The following PWWP2A variants were observed in gnomAD, a reference collection of about 807,000 sequenced individuals.
The protein encoded by PWWP2A is PWWP domain containing 2A.
In PWWP2A, 18 loss-of-function variants were observed where a neutral mutation model predicts 48.5. The ratio of observed to expected loss-of-function variants is 0.37; its 90% CI spans 0.26 to 0.55. The LOEUF is 0.55. Among genes scored for constraint, PWWP2A ranks in the 20% least tolerant of loss-of-function variants. PWWP2A has a pLI of 0.81. For synonymous variants in PWWP2A, 396 were observed against 387.7 expected, an observed-to-expected ratio of 1.02 and a Z score of -0.25; for missense variants, 867 against 976.4, an observed-to-expected ratio of 0.89 and a Z score of 1.49.
Position 160,119,151 on chromosome 5 carries a change from G to C in PWWP2A, c.238C>G (p.Arg80Gly). 6.5e-7 allele frequency: 1 copy of C among 1,549,820 alleles called. No individual in the cohort carries two copies. Among genetic ancestry groups the C allele is most frequent in the Non-Finnish European group, 8.6e-7 (1 of 1,161,680 alleles). The change falls in exon 1 of 2, where the codon CGC becomes GGC. Residue 80 changes from arginine (R) to glycine (G), a missense_variant. Around this residue, in one of 4 missense-constraint regions of PWWP2A, gnomAD observed 385 missense variants for 396.9 expected, o/e 0.97. Transcript: ENST00000307063. Reference protein sequence around the residue: ...PPPPPPGELARSPEAVGPELE... With the variant: ...PPPPPPGELAGSPEAVGPELE... ...TCCGGCCCCACCGCCTCTGGGCTGC[G>C]GGCGAGCTCCCCCGGCGGCGGCGGT...
intron 1 of PWWP2A, among the ~76,000 whole-genome samples, chr5:160,112,495 T>C (rs1013747501): frequency 1.3e-5 from 2 of 152,154 alleles, no homozygotes; most frequent in African/African-American, 2.4e-5. Context: ...TTGCTGAGAT[T>C]ACAGGCATGA....
Position 160,093,079 on chromosome 5 carries a change from T to C in PWWP2A, c.1571A>G (p.Gln524Arg). The change falls in exon 2 of 2, where the codon CAG becomes CGG. Residue 524 changes from glutamine (Q) to arginine (R), a missense_variant. By Grantham distance (43) the Gln-to-Arg change is conservative. Around this residue, in one of 4 missense-constraint regions of PWWP2A, gnomAD observed 382 missense variants for 407.2 expected, o/e 0.94. Coordinates refer to ENST00000307063, the MANE Select transcript of PWWP2A (RefSeq NM_001130864.2). This position sits in a 1 kb window ranked among gnomAD's most constrained non-coding sequence, Gnocchi z 5.8. ...RSAGEAPSEN[Q>R]SPSKGPEEAS... ...CTCTTCAGGGCCTTTTGAGGGACTC[T>C]GATTTTCTGAAGGGGCCTCACCTGC... 6.2e-7 allele frequency: 1 copy of C among 1,613,606 alleles called. No homozygotes were observed. The highest frequency in any genetic ancestry group is 8.5e-7 in the Non-Finnish European group (1 of 1,179,790).
chr5:160,044,823 G>GC, the PWWP2A span, among the ~76,000 whole-genome samples: 1 of 152,110 alleles, frequency 6.6e-6, no homozygotes, highest in Non-Finnish European at 1.5e-5. Flanking sequence ...ATTTTACCCA[G>GC]CCCCTATTCA....
chr5:160,117,511 G>A (rs1259193011), intron 1 of PWWP2A, among the ~76,000 whole-genome samples: 1 of 152,116 alleles, frequency 6.6e-6, no homozygotes, highest in Non-Finnish European at 1.5e-5. Flanking sequence ...ACAAAAATTA[G>A]ACCAGCATGG....
At chr5:160,108,081 T>C (rs1001408205) in intron 1 of PWWP2A, among the ~76,000 whole-genome samples, 16 of 152,246 alleles carry the variant, frequency 1.1e-4, no homozygotes, top group African/African-American at 3.9e-4. Flanking sequence ...GTGTATAAAA[T>C]ATATTTTTAA....
intron 1 of PWWP2A, chr5:160,116,574 G>T: frequency 1.7e-6 from 1 of 591,836 alleles, no homozygotes; most frequent in Non-Finnish European, 2.1e-6. Flanking sequence ...CTGTTTCTAA[G>T]CACTGATAGC....
At chr5:160,051,203 T>C in the PWWP2A span, 14 of 1,600,180 alleles carry the variant, frequency 8.7e-6, no homozygotes, top group Non-Finnish European at 1.2e-5. Context: ...CTTCTTACTT[T>C]GCTTGATCAT....
At chr5:160,088,052 T>C (rs1447631770), downstream of PWWP2A, among the ~76,000 whole-genome samples, 1 of 152,356 alleles carries the variant, frequency 6.6e-6, no homozygotes, top group Middle Eastern at 3.4e-3. Context: ...TCCTGTTCTT[T>C]TGTTGAATGA....
At chr5:160,057,137 G>A (rs1369629186), downstream of PWWP2A, among the ~76,000 whole-genome samples, 1 of 152,160 alleles carries the variant, frequency 6.6e-6, no homozygotes, top group Non-Finnish European at 1.5e-5. The surrounding 1 kb of genome is among the most constrained non-coding windows in gnomAD (Gnocchi z 4.4). Context: ...TAGCTTTTCA[G>A]TGCTTTGCTT....
intron 1 of PWWP2A, among the ~76,000 whole-genome samples, chr5:160,108,006 T>TA (rs1287636099): frequency 1.9e-4 from 28 of 147,280 alleles, no homozygotes; most frequent in Middle Eastern, 3.5e-3. Context: ...ATCTCAAAAA[T>TA]AAAAAAAAAG....
chr5:160,109,766 A>ATATAT (rs1757263056), intron 1 of PWWP2A, among the ~76,000 whole-genome samples: 1 of 47,510 alleles, frequency 2.1e-5, no homozygotes, highest in African/African-American at 6.3e-5. Flanking sequence ...GGAAAAAAAA[A>ATATAT]AAAAAAAAAT....
chr5:160,096,240 TAAGAC>T (rs1227415480), intron 1 of PWWP2A, among the ~76,000 whole-genome samples: 5 of 152,086 alleles, frequency 3.3e-5, no homozygotes, highest in African/African-American at 4.8e-5. Flanking sequence ...TTACCTACGG[TAAGAC>T]AAGATTAGGT....
intron 1 of PWWP2A, among the ~76,000 whole-genome samples, chr5:160,102,755 A>C (rs1298891509): frequency 6.6e-6 from 1 of 152,232 alleles, no homozygotes; most frequent in Non-Finnish European, 1.5e-5. Flanking sequence ...ATGGGCCTGC[A>C]GATGTGGTGT....
chr5:160,070,502 A>G (rs1009558820), intron 2 of PWWP2A, among the ~76,000 whole-genome samples: 1 of 147,156 alleles, frequency 6.8e-6, no homozygotes, highest in Non-Finnish European at 1.5e-5. Context: ...ACAAAAAACT[A>G]TGCTTTTCCA....
Position 160,119,131 on chromosome 5 carries a change from C to A in PWWP2A, c.258G>T (p.Gly86=). 3 of 1,580,980 alleles carry A rather than the reference C, an allele frequency of 1.9e-6. No homozygotes were observed. The highest frequency in any genetic ancestry group is 2.6e-6 in the Non-Finnish European group (3 of 1,173,362). Residue 86 remains glycine, a synonymous_variant, in exon 1 of 2, where the codon GGG becomes GGT. Coordinates refer to ENST00000307063, the MANE Select transcript of PWWP2A (RefSeq NM_001130864.2). ...GTTTCTCCTCAGCCTCCAGCTCCGG[C>A]CCCACCGCCTCTGGGCTGCGGGCGA... ...GELARSPEAV[G]PELEAEEKLS...
chr5:160,048,126 CTTTTTTTTTTTTT>C, the PWWP2A span, among the ~76,000 whole-genome samples: 30 of 35,570 alleles, frequency 8.4e-4, no homozygotes, highest in African/African-American at 3.7e-3. Flanking sequence ...CAAGACATTG[CTTTTTTTTTTTTT>C]TTTTTTTTTT....
chr5:160,104,438 A>T (rs997449743), intron 1 of PWWP2A, among the ~76,000 whole-genome samples: 11 of 152,202 alleles, frequency 7.2e-5, no homozygotes, highest in African/African-American at 2.7e-4. Flanking sequence ...CTCTAAAAAA[A>T]AAAAAGGACA....
chr5:160,084,777 TTATATA>T (rs939089883), intron 2 of PWWP2A, among the ~76,000 whole-genome samples: 2 of 151,774 alleles, frequency 1.3e-5, no homozygotes, highest in East Asian at 3.9e-4. Context: ...CACTGGCAAG[TTATATA>T]TATATACTCC....
At chr5:160,062,181 C>T (rs1753435838) in intron 5 of PWWP2A, 1 of 152,214 alleles carries the variant, frequency 6.6e-6, no homozygotes, top group Non-Finnish European at 1.5e-5. Context: ...GCACACAGGC[C>T]CTTTAGCCAG....
Sources: allele counts gnomAD v4.1 joint callset (sites outside exome capture counted in the v4.1 genomes callset), GRCh38; gene constraint gnomAD v4.1.1; regional missense constraint gnomAD v4.1.1; non-coding constraint Gnocchi (gnomAD v3.1); transcripts MANE v1.5; gene names NCBI Gene and HGNC (gene_info 2026-07-23, HGNC 2026-07-21).